The following ZNRF1 variants were observed in gnomAD, a reference collection of about 807,000 sequenced individuals.
ZNRF1 encodes E3 ubiquitin-protein ligase ZNRF1.
A neutral mutation model predicts 18.4 loss-of-function variants in ZNRF1; 3 were observed. The observed-to-expected ratio is 0.16, with a 90% CI of 0.07 to 0.42. ZNRF1 has a LOEUF of 0.42. Among genes scored for constraint, ZNRF1 ranks in the 10% least tolerant of loss-of-function variants. The pLI is 0.99. For missense variants in ZNRF1, 310 were observed against 329.8 expected (o/e 0.94, Z 0.47); for synonymous variants, 157 against 144.2 (o/e 1.09, Z -0.64).
Position 75,079,159 on chromosome 16 carries a change from G to A in ZNRF1, c.425-14413G>A, listed in dbSNP as rs148102478. ...TTAGAATTCATGGTCCTTCTCGTTC[G>A]TGCTTTCTGTCTGGAGAGTCTCTAG... is the stretch of plus-strand genomic sequence containing the variant. On this transcript the variant is annotated intron_variant, in intron 1 of 4. Coordinates refer to ENST00000335325, the MANE Select transcript of ZNRF1 (RefSeq NM_032268.5). Among the ~76,000 whole-genome samples the A allele has an allele frequency of 5.2e-3, 798 of 152,210 alleles. 9 individuals are homozygous for A. The highest frequency in any genetic ancestry group is 0.018 in the African/African-American group (763 of 41,536).
At chr16:75,001,034 C>G (rs1420336286) in intron 1 of ZNRF1, among the ~76,000 whole-genome samples, 2 of 152,186 alleles carry the variant, frequency 1.3e-5, no homozygotes, top group Non-Finnish European at 2.9e-5. Flanking sequence ...GAAAACAGGT[C>G]TGTCTGCTAG....
intron 1 of ZNRF1, among the ~76,000 whole-genome samples, chr16:75,010,179 C>T (rs555152894): frequency 3.5e-4 from 53 of 152,228 alleles, no homozygotes; most frequent in African/African-American, 1.3e-3. Context: ...GACAAGGTTT[C>T]ACCATATTGG....
Position 75,072,304 on chromosome 16 carries a change from T to G in ZNRF1, c.425-21268T>G, listed in dbSNP as rs577789895. 9.7e-4 allele frequency among the ~76,000 whole-genome samples: 148 copies of G among 152,250 alleles called. 2 individuals are homozygous for G. The highest frequency in any genetic ancestry group is 3.5e-3 in the African/African-American group (146 of 41,548). ...CTTTTAGTCTCAGCCTAAGCTTTCCTTCTTAAAAGAATGCTTTCCTCACAT... is the reference window on the plus strand; with the variant it reads ...CTTTTAGTCTCAGCCTAAGCTTTCCGTCTTAAAAGAATGCTTTCCTCACAT... On this transcript the variant is annotated intron_variant, in intron 1 of 4. Coordinates refer to ENST00000335325, the MANE Select transcript of ZNRF1 (RefSeq NM_032268.5).
At chr16:75,038,886 A>G (rs974454638) in intron 1 of ZNRF1, among the ~76,000 whole-genome samples, 4 of 152,182 alleles carry the variant, frequency 2.6e-5, no homozygotes, top group African/African-American at 7.2e-5. Flanking sequence ...ACACAGTCCT[A>G]CTTCTGTAAA....
At position 75,052,794 on chromosome 16, in the gene ZNRF1, C is replaced by CATCG. The variant is rs542213705; in HGVS notation, c.425-40774_425-40771dup. 1.3e-3 allele frequency among the ~76,000 whole-genome samples: 202 copies of CATCG among 152,360 alleles called. 1 individual carries two copies. The highest frequency in any genetic ancestry group is 4.7e-3 in the African/African-American group (196 of 41,592). ...CAGACTGTCTATACAGCCTTCCCTC[C>CATCG]ATCGATCTGTCTGTCCGTCCAGCTT... On this transcript the variant is annotated intron_variant, in intron 1 of 4. Coordinates refer to ENST00000335325, the MANE Select transcript of ZNRF1 (RefSeq NM_032268.5).
chr16:75,032,458 A>G (rs895174510), intron 1 of ZNRF1, among the ~76,000 whole-genome samples: 4 of 152,046 alleles, frequency 2.6e-5, no homozygotes, highest in African/African-American at 9.7e-5. Flanking sequence ...AGAAATGTCT[A>G]TGCAAGTCCT....
rs971552242 is a variant in ZNRF1, at chr16:75,109,821, C to T, written c.*2121C>T. 1.3e-5 allele frequency: 2 copies of T among 152,308 alleles called. No individual in the cohort carries two copies. The highest frequency in any genetic ancestry group is 4.8e-5 in the African/African-American group (2 of 41,464). The allele number at this position is 152,308 out of a possible 1,614,324, so 9.4% of individuals were successfully genotyped here. A position where few individuals can be genotyped will look rare whatever the true frequency, so the allele number is the denominator to read the frequency against. On this transcript the variant is annotated 3_prime_UTR_variant, in exon 5 of 5. Coordinates refer to ENST00000335325, the MANE Select transcript of ZNRF1 (RefSeq NM_032268.5). ...CAGGTCTTGGCACATGCACAGCAGG[C>T]TCCCCATAGCTTTGTCACCACAAAG...
At chr16:75,046,015 G>T (rs1434454413) in intron 1 of ZNRF1, among the ~76,000 whole-genome samples, 4 of 150,808 alleles carry the variant, frequency 2.7e-5, no homozygotes, top group Admixed American at 2.6e-4. Context: ...CAATTCTCCT[G>T]CCTCAGCCTC....
chr16:75,091,747 G>C (rs1015019901), intron 1 of ZNRF1, among the ~76,000 whole-genome samples: 2 of 151,610 alleles, frequency 1.3e-5, no homozygotes, highest in African/African-American at 4.8e-5. Flanking sequence ...ATGTTGCCTA[G>C]GCTGGTCTCA....
chr16:75,041,404 A>T (rs1447810898), intron 1 of ZNRF1, among the ~76,000 whole-genome samples: 1 of 152,072 alleles, frequency 6.6e-6, no homozygotes, highest in Non-Finnish European at 1.5e-5. Context: ...ATCTCAGCTC[A>T]CTGCAGCCTC....
At chr16:75,004,409 G>T (rs2034891926) in intron 1 of ZNRF1, among the ~76,000 whole-genome samples, 1 of 151,974 alleles carries the variant, frequency 6.6e-6, no homozygotes, top group Non-Finnish European at 1.5e-5. Flanking sequence ...CTAAATGTGG[G>T]GTACAAAACA....
At chr16:75,004,960 C>T (rs895341535) in intron 1 of ZNRF1, among the ~76,000 whole-genome samples, 5 of 152,130 alleles carry the variant, frequency 3.3e-5, no homozygotes, top group African/African-American at 9.7e-5. Flanking sequence ...GGAGGTATCT[C>T]TTGGGCTCTA....
intron 1 of ZNRF1, among the ~76,000 whole-genome samples, chr16:75,012,778 G>A (rs554033257): frequency 3.9e-5 from 6 of 152,268 alleles, no homozygotes; most frequent in South Asian, 2.1e-4. Flanking sequence ...AGCTACAGAC[G>A]GGAAGGGCTG....
At position 75,107,809 on chromosome 16, in the gene ZNRF1, C is replaced by T. The variant is rs1020782614; in HGVS notation, c.*109C>T. On this transcript the variant is annotated 3_prime_UTR_variant, in exon 5 of 5. Transcript: ENST00000335325. ...GCTGAGCTTGGGACACCAGCGGGAA[C>T]AGGGCACCCCTTCTGCACTGACTTC... The T allele has an allele frequency of 4.4e-6, 2 of 456,408 alleles. No homozygotes were observed. Among genetic ancestry groups the T allele is most frequent in the Non-Finnish European group, 8.8e-6 (2 of 226,816 alleles). The allele number at this position is 456,408 out of a possible 1,614,324, so 28.3% of individuals were successfully genotyped here.
intron 1 of ZNRF1, among the ~76,000 whole-genome samples, chr16:75,077,517 C>T (rs2035955196): frequency 6.6e-6 from 1 of 152,124 alleles, no homozygotes; most frequent in African/African-American, 2.4e-5. Context: ...GGCGACAGAG[C>T]GAGATTCCGT....
At chr16:75,077,175 G>A (rs571501820) in intron 1 of ZNRF1, among the ~76,000 whole-genome samples, 3 of 152,248 alleles carry the variant, frequency 2.0e-5, no homozygotes, top group African/African-American at 4.8e-5. Flanking sequence ...GGCGGACCAC[G>A]AGGTCAGGAG....
intron 1 of ZNRF1, among the ~76,000 whole-genome samples, chr16:75,067,600 C>G (rs549391488): frequency 7.2e-5 from 11 of 151,968 alleles, no homozygotes; most frequent in Non-Finnish European, 1.6e-4. Context: ...GATGTCTGCG[C>G]AAAAACAGGT....
At chr16:75,025,800 A>G (rs2145342138) in intron 1 of ZNRF1, among the ~76,000 whole-genome samples, 1 of 152,020 alleles carries the variant, frequency 6.6e-6, no homozygotes, top group Middle Eastern at 3.4e-3. Flanking sequence ...TGCTTCTGCC[A>G]ATGGCTAGAC....
intron 1 of ZNRF1, among the ~76,000 whole-genome samples, chr16:75,067,218 C>T (rs1018031709): frequency 8.5e-5 from 13 of 152,208 alleles, no homozygotes; most frequent in African/African-American, 2.9e-4. Context: ...GCTCCCACAG[C>T]GCTTGTCCCA....
Sources: gnomAD v4.1 joint callset for allele counts (sites outside exome capture counted in the v4.1 genomes callset) on GRCh38, gnomAD v4.1.1 for gene constraint, MANE v1.5 for transcripts, NCBI Gene and HGNC (gene_info 2026-07-23, HGNC 2026-07-21) for gene names.